Variants in NEK9 observed in about 807,000 individuals in gnomAD.
The protein encoded by NEK9 is NIMA related kinase 9.
In NEK9, 75 loss-of-function variants were observed where a neutral mutation model predicts 123.4. That is an observed-to-expected ratio of 0.61 (90% CI 0.50 to 0.74). The LOEUF is 0.74. Ranked by LOEUF, NEK9 falls within the 30% of genes least tolerant of loss-of-function variation. The pLI is 0.00. For missense variants in NEK9, 952 were observed against 1,214.4 expected, an observed-to-expected ratio of 0.78 and a Z score of 3.21; for synonymous variants, 438 against 458.7, an observed-to-expected ratio of 0.95 and a Z score of 0.58.
chr14:75,092,354 C>A (rs1894247548), intron 18 of NEK9, among the ~76,000 whole-genome samples: 1 of 151,852 alleles, frequency 6.6e-6, no homozygotes, highest in Non-Finnish European at 1.5e-5. Flanking sequence ...GCAACCTCCG[C>A]CTCCTGGCTT....
intron 8 of NEK9, 109 bp downstream of exon 8, chr14:75,113,230 C>T (rs1286955461): frequency 4.7e-6 from 4 of 847,078 alleles, no homozygotes; most frequent in East Asian, 4.9e-5. Flanking sequence ...GAAAATAGCA[C>T]TATTGCAACC....
At position 75,124,101 on chromosome 14, in the gene NEK9, G is replaced by A. The variant is rs1454370037; in HGVS notation, c.342C>T (p.Tyr114=). 1.2e-6 allele frequency: 2 copies of A among 1,614,098 alleles called. No homozygotes were observed. The highest frequency in any genetic ancestry group is 1.7e-6 in the Non-Finnish European group (2 of 1,179,948). Reference sequence around the variant, plus strand: ...TGGTATTGTCCATGAAGTGATTGTAGTAGGCAATAATGTTGTCGTGCTGCA... The same window carrying A: ...TGGTATTGTCCATGAAGTGATTGTAATAGGCAATAATGTTGTCGTGCTGCA... ...ALLQHDNIIA[Y]YNHFMDNTTL... Residue 114 remains tyrosine (Y), a synonymous_variant, in exon 2 of 22, where the codon TAC becomes TAT. Coordinates refer to ENST00000238616, the MANE Select transcript of NEK9 (RefSeq NM_033116.6).
At chr14:75,102,929 A>G (rs1894636547) in intron 14 of NEK9, among the ~76,000 whole-genome samples, 1 of 152,138 alleles carries the variant, frequency 6.6e-6, no homozygotes, top group Admixed American at 6.6e-5. Context: ...CATTCTCAGT[A>G]AACTATTGCA....
chr14:75,087,962 C>T (rs1233743654), intron 20 of NEK9, among the ~76,000 whole-genome samples: 1 of 152,210 alleles, frequency 6.6e-6, no homozygotes, highest in Non-Finnish European at 1.5e-5. Context: ...AGAGGCTGTA[C>T]ACATTTCTGT....
At chr14:75,122,591 A>G (rs1455879341) in intron 2 of NEK9, among the ~76,000 whole-genome samples, 4 of 151,582 alleles carry the variant, frequency 2.6e-5, no homozygotes, top group Non-Finnish European at 1.5e-5. Flanking sequence ...TGCAACCTCC[A>G]ACTCCCTGGT....
Position 75,079,701 on chromosome 14 carries a change from G to C in NEK9, c.*4863C>G, listed in dbSNP as rs1893812550. Reference sequence around the variant, plus strand: ...AAAACTGGAAGTTCTGGAAACACTGGGCCAGCAACCCGCATGGCACAAATT... The same window carrying C: ...AAAACTGGAAGTTCTGGAAACACTGCGCCAGCAACCCGCATGGCACAAATT... On this transcript the variant is annotated 3_prime_UTR_variant, in exon 22 of 22. Coordinates refer to ENST00000238616, the MANE Select transcript of NEK9 (RefSeq NM_033116.6). 1 of 152,162 alleles carries C rather than the reference G, an allele frequency of 6.6e-6. No individual in the cohort carries two copies. Among genetic ancestry groups the C allele is most frequent in the Non-Finnish European group, 1.5e-5 (1 of 68,036 alleles). 9.4% of individuals were successfully genotyped at this position (152,162 alleles called of 1,614,324 possible). A position where few individuals can be genotyped will look rare whatever the true frequency, so the allele number is the denominator to read the frequency against.
intron 16 of NEK9, among the ~76,000 whole-genome samples, chr14:75,100,507 T>C (rs1035437530): frequency 6.6e-6 from 1 of 152,104 alleles, no homozygotes; most frequent in African/African-American, 2.4e-5. Context: ...AAAAATCAAT[T>C]AGACCAACTC....
Position 75,097,246 on chromosome 14 carries a change from T to C in NEK9, c.2027A>G (p.Asn676Ser), listed in dbSNP as rs1205018714. 9 of 1,604,904 alleles carry C rather than the reference T, an allele frequency of 5.6e-6. No homozygotes were observed. The East Asian group carries it at 1.1e-4, about 20-fold the overall frequency. ...CATTGCCAGGCGGCCATTACCACCA[T>C]TGCCCCAGGCAAAAATGTGATTATC... ...TDDNHIFAWG[N>S]GGNGRLAMTP... Residue 676 changes from asparagine (N) to serine (S), a missense_variant, in exon 17 of 22, where the codon AAT (asparagine) becomes AGT (serine). Coordinates refer to ENST00000238616, the MANE Select transcript of NEK9 (RefSeq NM_033116.6).
Position 75,091,454 on chromosome 14 carries a change from C to T in NEK9, c.2258G>A (p.Gly753Glu). The change falls in exon 19 of 22, where the codon GGA becomes GAA. Residue 753 changes from glycine (G) to glutamate (E), a missense_variant. Gly to Glu is a moderately conservative substitution (Grantham distance 98). Around this residue, in one of 4 missense-constraint regions of NEK9, gnomAD observed 698 missense variants for 875.6 expected, o/e 0.80. Coordinates refer to ENST00000238616, the MANE Select transcript of NEK9 (RefSeq NM_033116.6). ...TTCACCACCGCCGCCCCCGCCGCCT[C>T]CTCCCGGGCTAGAGCTCTGAAACAC... ...GTVFQSSSPGGGGGGGGGEEE... is the reference protein window; with the variant it reads ...GTVFQSSSPGEGGGGGGGEEE... 1.2e-6 allele frequency: 2 copies of T among 1,601,260 alleles called. No individual in the cohort carries two copies. Among genetic ancestry groups the T allele is most frequent in the Non-Finnish European group, 1.7e-6 (2 of 1,174,464 alleles).
At chr14:75,106,464 A>G (rs563333255) in intron 12 of NEK9, 38 bp downstream of exon 12, 1 of 1,607,116 alleles carries the variant, frequency 6.2e-7, no homozygotes, top group African/African-American at 1.3e-5. Context: ...CAGGTTGTAT[A>G]CCTGTGAAGA....
chr14:75,124,210 A>G lies in NEK9; in HGVS notation c.233T>C (p.Val78Ala), dbSNP rs754953802. 3 of 1,613,768 alleles carry G rather than the reference A, an allele frequency of 1.9e-6. No individual in the cohort carries two copies. The South Asian group carries it at 3.3e-5, about 18-fold the overall frequency. Residue 78 changes from valine to alanine, a missense_variant, in exon 2 of 22, where the codon GTT (valine) becomes GCT (alanine). By Grantham distance (64) the Val-to-Ala change is moderately conservative (BLOSUM62 0). Coordinates refer to ENST00000238616, the MANE Select transcript of NEK9 (RefSeq NM_033116.6). Reference sequence around the variant, plus strand: ...GGTCAAATCGACTTCCTTCCACACAACCAGTGAGTCATCCTAAACACAGTA... The same window carrying G: ...GGTCAAATCGACTTCCTTCCACACAGCCAGTGAGTCATCCTAAACACAGTA... ...LYRRTEDDSL[V>A]VWKEVDLTRL...
Position 75,106,515 on chromosome 14 carries a change from G to A in NEK9, c.1515C>T (p.Gly505=). The A allele has an allele frequency of 1.2e-6, 2 of 1,613,966 alleles. No homozygotes were observed. The highest frequency in any genetic ancestry group is 1.1e-5 in the South Asian group (1 of 91,076). Residue 505 remains glycine (G), a synonymous_variant, in exon 12 of 22, where the codon GGC becomes GGT. Transcript: ENST00000238616. ...GGCTACCCCTACCATATTCGCCACA[G>A]CCCCAAGAATAGACTTCCTTGTTTC... ...LTRNKEVYSW[G]CGEYGRLGLD... is the part of the protein sequence containing the mutation.
At chr14:75,109,980 G>A in intron 9 of NEK9, 103 bp from the exon 10 acceptor site, 7 of 1,136,622 alleles carry the variant, frequency 6.2e-6, no homozygotes, top group South Asian at 1.6e-5. Context: ...ATTATGGTAT[G>A]AGAAAGTATG....
chr14:75,085,034 C>T (rs1893977649), intron 21 of NEK9: 1 of 247,788 alleles, frequency 4.0e-6, no homozygotes. Context: ...GAGACAGGGT[C>T]TTGCTCTGTT....
At chr14:75,099,849 G>A (rs1322443570) in intron 16 of NEK9, among the ~76,000 whole-genome samples, 1 of 151,264 alleles carries the variant, frequency 6.6e-6, no homozygotes, top group Non-Finnish European at 1.5e-5. Context: ...AGCCACAGAG[G>A]ACCAGGTGCA....
intron 19 of NEK9, 74 bp downstream of exon 19, chr14:75,091,196 G>C: frequency 7.8e-7 from 1 of 1,279,166 alleles, no homozygotes; most frequent in Non-Finnish European, 1.1e-6. Flanking sequence ...AAAACTGAGA[G>C]ACCCTGACAG....
At chr14:75,119,343 A>G (rs1895246832) in intron 4 of NEK9, among the ~76,000 whole-genome samples, 2 of 152,158 alleles carry the variant, frequency 1.3e-5, no homozygotes, top group Non-Finnish European at 2.9e-5. Flanking sequence ...ACAAAAAAAG[A>G]GTGTTACCAT....
rs774049147 is a variant in NEK9 at position 75,097,207 on chromosome 14, C to T, written c.2066G>A (p.Arg689Lys). The change falls in exon 17 of 22, where the codon AGA (arginine) becomes AAA (lysine). Residue 689 changes from arginine to lysine, a missense_variant. Physicochemically the swap from Arg to Lys is conservative, Grantham distance 26 (BLOSUM62 2). Coordinates refer to ENST00000238616, the MANE Select transcript of NEK9 (RefSeq NM_033116.6). ...GGTACAGATATCAGAGCCATGTGGT[C>T]TCTCTGTGGGGGTCATTGCCAGGCG... ...NGRLAMTPTERPHGSDICTSW... is the reference protein window; with the variant it reads ...NGRLAMTPTEKPHGSDICTSW... 1.2e-6 allele frequency: 2 copies of T among 1,613,420 alleles called. No individual in the cohort carries two copies. The highest frequency in any genetic ancestry group is 1.7e-6 in the Non-Finnish European group (2 of 1,179,528).
chr14:75,094,486 T>A (rs1349623438), intron 18 of NEK9, among the ~76,000 whole-genome samples: 1 of 152,194 alleles, frequency 6.6e-6, no homozygotes, highest in Non-Finnish European at 1.5e-5. Flanking sequence ...TGTTTATGTG[T>A]TTTGATTCCA....
Sources: gnomAD v4.1 joint callset for allele counts (sites outside exome capture counted in the v4.1 genomes callset) on GRCh38, gnomAD v4.1.1 for gene constraint, gnomAD v4.1.1 regional missense constraint, MANE v1.5 for transcripts, NCBI Gene and HGNC (gene_info 2026-07-23, HGNC 2026-07-21) for gene names.